Variants in GPBP1 observed in about 807,000 individuals in gnomAD.
GPBP1 encodes the protein GC-rich promoter binding protein 1.
Under a neutral mutation model 56.5 loss-of-function variants are expected in GPBP1, and 13 were observed. The ratio of observed to expected loss-of-function variants is 0.23; its 90% confidence interval spans 0.15 to 0.37. GPBP1 has a LOEUF of 0.37. GPBP1 is among the 10% of genes least tolerant of loss of function. The pLI is 1.00. For missense variants in GPBP1, 477 were observed against 572.3 expected, an observed-to-expected ratio of 0.83 and a Z score of 1.70; for synonymous variants, 204 against 188.9, an observed-to-expected ratio of 1.08 and a Z score of -0.66.
intron 3 of GPBP1, among the ~76,000 whole-genome samples, chr5:57,225,426 G>A (rs1023170927): frequency 1.8e-4 from 27 of 150,008 alleles, no homozygotes; most frequent in African/African-American, 7.4e-5. Context: ...CCCGGGAGGC[G>A]GAGCTTGCAG....
At chr5:57,184,051 G>T (rs1164965017) in intron 2 of GPBP1, among the ~76,000 whole-genome samples, 1 of 152,094 alleles carries the variant, frequency 6.6e-6, no homozygotes, top group Non-Finnish European at 1.5e-5. Flanking sequence ...GGCCAACATG[G>T]TGAAACCCTG....
chr5:57,214,250 A>G (rs1022850663), intron 3 of GPBP1, 57 bp downstream of exon 3: 16 of 1,351,988 alleles, frequency 1.2e-5, no homozygotes, highest in Non-Finnish European at 1.7e-5. Context: ...TTTTTACACA[A>G]ATGTAATTAA....
intron 2 of GPBP1, among the ~76,000 whole-genome samples, chr5:57,211,553 T>A (rs1755476227): frequency 7.5e-6 from 1 of 133,012 alleles, no homozygotes; most frequent in Non-Finnish European, 1.7e-5. Flanking sequence ...AATAGGTGAT[T>A]TTAGTGGTTT....
At chr5:57,203,334 T>C (rs978572974) in intron 2 of GPBP1, among the ~76,000 whole-genome samples, 1 of 152,130 alleles carries the variant, frequency 6.6e-6, no homozygotes, top group African/African-American at 2.4e-5. Context: ...ATGATAAAAA[T>C]GTAAGTAAAG....
At chr5:57,188,625 C>T (rs1197395772) in intron 2 of GPBP1, among the ~76,000 whole-genome samples, 1 of 152,100 alleles carries the variant, frequency 6.6e-6, no homozygotes, top group Non-Finnish European at 1.5e-5. Flanking sequence ...TGCCTGTAAT[C>T]CCAGCTACTC....
intron 3 of GPBP1, among the ~76,000 whole-genome samples, chr5:57,225,581 A>G (rs906050589): frequency 2.0e-5 from 3 of 152,194 alleles, no homozygotes; most frequent in Non-Finnish European, 4.4e-5. Context: ...CTACAAAGTA[A>G]GAATTAAGAT....
Position 57,253,508 on chromosome 5 carries a change from AT to A in GPBP1, c.1160+2371del, listed in dbSNP as rs1741485389. Among the ~76,000 whole-genome samples the A allele has an allele frequency of 5.3e-5, 8 of 152,262 alleles. 1 individual carries two copies. The highest frequency in any genetic ancestry group is 1.9e-4 in the African/African-American group (8 of 41,568). ...GAATTTATTTATAATTTCAACTTCT[AT>A]TTTAATTAAGAACATAAGCTACATG... On this transcript the variant is annotated intron_variant, in intron 10 of 11. Transcript: ENST00000506184.
At chr5:57,207,032 TGG>T (rs1424777584) in intron 2 of GPBP1, among the ~76,000 whole-genome samples, 1 of 151,942 alleles carries the variant, frequency 6.6e-6, no homozygotes, top group African/African-American at 2.4e-5. Context: ...TGCACCCAGG[TGG>T]TGGAGGCTGC....
intron 2 of GPBP1, among the ~76,000 whole-genome samples, chr5:57,182,827 G>T (rs1315532812): frequency 1.3e-5 from 2 of 152,136 alleles, no homozygotes; most frequent in Non-Finnish European, 2.9e-5. Context: ...GGGACTATAG[G>T]CGCATGTCAC....
chr5:57,192,052 T>C (rs1334229014), intron 2 of GPBP1, among the ~76,000 whole-genome samples: 3 of 152,336 alleles, frequency 2.0e-5, no homozygotes, highest in African/African-American at 7.2e-5. Flanking sequence ...TCCTTCTATG[T>C]AAGAAAAACA....
Position 57,214,164 on chromosome 5 carries a change from A to T in GPBP1, c.34A>T (p.Asn12Tyr). 1 of 1,613,896 alleles carries T rather than the reference A, an allele frequency of 6.2e-7. No individual in the cohort carries two copies. Among genetic ancestry groups the T allele is most frequent in the Non-Finnish European group, 8.5e-7 (1 of 1,179,794 alleles). ...AQHDFAPAWL[N>Y]FPTPPSSTKS... is the part of the protein sequence containing the mutation. ...GCATGACTTTGCTCCAGCCTGGCTT[A>T]ATTTCCCTACTCCACCATCATCAAC... is the stretch of plus-strand genomic sequence containing the variant. Residue 12 changes from asparagine (N) to tyrosine (Y), a missense_variant, in exon 3 of 12, where the codon AAT becomes TAT. Physicochemically the swap from Asn to Tyr is moderately radical, Grantham distance 143 (BLOSUM62 -2). This residue lies in a region of GPBP1 where 414 missense variants were observed against 458.2 expected (regional missense o/e 0.90). Coordinates refer to ENST00000506184, the MANE Select transcript of GPBP1 (RefSeq NM_022913.4).
chr5:57,247,712 G>A (rs1490857915), intron 8 of GPBP1, among the ~76,000 whole-genome samples: 1 of 151,984 alleles, frequency 6.6e-6, no homozygotes, highest in Non-Finnish European at 1.5e-5. Context: ...GGGGATGGGG[G>A]GGAATTCCAA....
At chr5:57,241,900 A>C (rs1217558539) in intron 6 of GPBP1, among the ~76,000 whole-genome samples, 1 of 152,230 alleles carries the variant, frequency 6.6e-6, no homozygotes, top group Non-Finnish European at 1.5e-5. Context: ...ATACTTGGCA[A>C]GGTTTTCCTA....
intron 6 of GPBP1, among the ~76,000 whole-genome samples, chr5:57,242,399 T>C (rs968878919): frequency 3.9e-5 from 6 of 152,234 alleles, no homozygotes; most frequent in African/African-American, 7.2e-5. Flanking sequence ...AAGTAACTTA[T>C]ATAAGATTAT....
chr5:57,252,140 C>G (rs1741422709), intron 10 of GPBP1, among the ~76,000 whole-genome samples: 1 of 142,230 alleles, frequency 7.0e-6, no homozygotes, highest in Admixed American at 7.0e-5. Context: ...CCCCCACCCC[C>G]ACCCCCACAG....
chr5:57,193,882 A>G (rs1754636601), intron 2 of GPBP1, among the ~76,000 whole-genome samples: 1 of 152,228 alleles, frequency 6.6e-6, no homozygotes, highest in South Asian at 2.1e-4. Flanking sequence ...ATGCACACAA[A>G]TTACAAAAGG....
rs779002743 is a variant in GPBP1 at position 57,231,170 on chromosome 5, G to A, written c.260G>A (p.Arg87Gln). The A allele has an allele frequency of 4.3e-6, 7 of 1,613,968 alleles. No individual in the cohort carries two copies. Among genetic ancestry groups the A allele is most frequent in the African/African-American group, 4.0e-5 (3 of 74,920 alleles). The change falls in exon 5 of 12, where the codon CGA (arginine) becomes CAA (glutamine). Residue 87 changes from arginine (R) to glutamine (Q), a missense_variant. Physicochemically the swap from Arg to Gln is conservative, Grantham distance 43. Around this residue, in one of 2 missense-constraint regions of GPBP1, gnomAD observed 414 missense variants for 458.2 expected, o/e 0.90. Coordinates refer to ENST00000506184, the MANE Select transcript of GPBP1 (RefSeq NM_022913.4). ...GRNGTENINH[R>Q]GGYHGGSSRS... ...AATGGTACAGAAAACATAAATCATC[G>A]AGGTGGATACCATGGTGGAAGTTCC...
At chr5:57,231,413 A>G in intron 5 of GPBP1, 92 bp downstream of exon 5, 1 of 978,310 alleles carries the variant, frequency 1.0e-6, no homozygotes, top group East Asian at 2.6e-5. Context: ...ATCTGGGATT[A>G]CAGGCATCCA....
intron 5 of GPBP1, among the ~76,000 whole-genome samples, chr5:57,233,729 T>C (rs4267826): frequency 0.21 from 31,743 of 152,096 alleles, 4,037 homozygotes; most frequent in Middle Eastern, 0.3. Flanking sequence ...TTGGTCTTGC[T>C]GTCTCAGGTG....
Sources: allele counts gnomAD v4.1 joint callset (sites outside exome capture counted in the v4.1 genomes callset), GRCh38; gene constraint gnomAD v4.1.1; regional missense constraint gnomAD v4.1.1; transcripts MANE v1.5; gene names NCBI Gene and HGNC (gene_info 2026-07-23, HGNC 2026-07-21).